The following KCNQ3 variants were observed in gnomAD, a reference collection of about 807,000 sequenced individuals.
KCNQ3 encodes the protein potassium voltage-gated channel subfamily KQT member 3.
A neutral mutation model predicts 92.5 loss-of-function variants in KCNQ3; 30 were observed. The ratio of observed to expected loss-of-function variants is 0.32; its 90% CI spans 0.24 to 0.44. The LOEUF is 0.44. Among genes scored for constraint, KCNQ3 ranks in the 20% least tolerant of loss-of-function variants. KCNQ3 has a pLI of 1.00. For missense variants in KCNQ3, 913 were observed against 1,140.3 expected, an observed-to-expected ratio of 0.80 and a Z score of 2.87; for synonymous variants, 450 against 468.8, an observed-to-expected ratio of 0.96 and a Z score of 0.52.
chr8:132,337,483 G>A (rs985262141), intron 1 of KCNQ3, among the ~76,000 whole-genome samples: 6 of 151,994 alleles, frequency 3.9e-5, no homozygotes, highest in Non-Finnish European at 8.8e-5. Flanking sequence ...CAGCCTGGGC[G>A]ACAGAGCAAG....
intron 9 of KCNQ3, among the ~76,000 whole-genome samples, chr8:132,156,712 G>T (rs1166780647): frequency 1.3e-5 from 2 of 152,184 alleles, no homozygotes; most frequent in Non-Finnish European, 2.9e-5. Flanking sequence ...GGGTTAAATT[G>T]TGTTGCCCCA....
At chr8:132,160,072 C>A (rs1359896149) in intron 9 of KCNQ3, among the ~76,000 whole-genome samples, 1 of 152,130 alleles carries the variant, frequency 6.6e-6, no homozygotes, top group Non-Finnish European at 1.5e-5. Flanking sequence ...GGGATAGAGA[C>A]AGGGTCAGGG....
intron 1 of KCNQ3, among the ~76,000 whole-genome samples, chr8:132,350,971 G>A (rs1471381929): frequency 4.6e-5 from 7 of 152,026 alleles, no homozygotes; most frequent in Admixed American, 6.6e-5. Flanking sequence ...TCCAGGTAGC[G>A]ACGCTTCACC....
chr8:132,418,384 G>A (rs1201870394), intron 1 of KCNQ3, among the ~76,000 whole-genome samples: 3 of 152,190 alleles, frequency 2.0e-5, no homozygotes, highest in Non-Finnish European at 1.5e-5. Context: ...GCAGGCGAGG[G>A]AGGGAGGAGC....
At chr8:132,407,088 G>T (rs1317776811) in intron 1 of KCNQ3, among the ~76,000 whole-genome samples, 1 of 152,174 alleles carries the variant, frequency 6.6e-6, no homozygotes, top group Non-Finnish European at 1.5e-5. Flanking sequence ...TTTACCAGAA[G>T]ACATTCCTGC....
chr8:132,167,891 C>A (rs1164232168), intron 8 of KCNQ3, among the ~76,000 whole-genome samples: 1 of 152,178 alleles, frequency 6.6e-6, no homozygotes, highest in Non-Finnish European at 1.5e-5. Flanking sequence ...TGTTTGAGTT[C>A]AAGGTCACTG....
intron 1 of KCNQ3, among the ~76,000 whole-genome samples, chr8:132,189,908 AG>A (rs1400702886): frequency 6.1e-4 from 71 of 116,492 alleles, no homozygotes; most frequent in South Asian, 2.7e-3. Context: ...AAAAAAAAAA[AG>A]AGAGAGAGAG....
At chr8:132,383,474 A>G (rs1819808115) in intron 1 of KCNQ3, among the ~76,000 whole-genome samples, 1 of 152,224 alleles carries the variant, frequency 6.6e-6, no homozygotes, top group Non-Finnish European at 1.5e-5. Context: ...AACAGGGGCC[A>G]TGAAGCAAAG....
At chr8:132,212,315 C>T (rs60877482) in intron 1 of KCNQ3, among the ~76,000 whole-genome samples, 2,489 of 152,204 alleles carry the variant, frequency 0.016, 64 homozygotes, top group African/African-American at 0.056. Flanking sequence ...CAAATCCTTC[C>T]CTTAAAGGAG....
intron 1 of KCNQ3, among the ~76,000 whole-genome samples, chr8:132,270,382 T>C (rs1452521870): frequency 6.6e-6 from 1 of 152,206 alleles, no homozygotes; most frequent in East Asian, 1.9e-4. Flanking sequence ...TGGGTACTTT[T>C]TGTTTTCCTA....
intron 1 of KCNQ3, among the ~76,000 whole-genome samples, chr8:132,462,269 G>A (rs1198989612): frequency 6.6e-6 from 1 of 151,932 alleles, no homozygotes; most frequent in East Asian, 1.9e-4. Context: ...CGCTATCTCG[G>A]CTCACTGCAA....
At chr8:132,353,611 C>T (rs542636889) in intron 1 of KCNQ3, among the ~76,000 whole-genome samples, 4 of 152,114 alleles carry the variant, frequency 2.6e-5, no homozygotes, top group East Asian at 3.9e-4. Context: ...GTCAGGAGTT[C>T]GAAACCAGCC....
intron 1 of KCNQ3, among the ~76,000 whole-genome samples, chr8:132,291,371 C>T (rs61410913): frequency 0.026 from 3,921 of 152,262 alleles, 184 homozygotes; most frequent in African/African-American, 0.089. Flanking sequence ...CACCAAGATA[C>T]AGCCTGCTGA....
chr8:132,289,210 A>G (rs1167209473), intron 1 of KCNQ3, among the ~76,000 whole-genome samples: 1 of 152,216 alleles, frequency 6.6e-6, no homozygotes, highest in South Asian at 2.1e-4. Context: ...GGAGGGATAG[A>G]AAGAAGCTTT....
rs1383504462 is a variant in KCNQ3, at chr8:132,180,132, C to T, written c.777+25G>A. 3 of 1,613,338 alleles carry T rather than the reference C, an allele frequency of 1.9e-6. No individual in the cohort carries two copies. The South Asian group carries it at 3.3e-5, about 18-fold the overall frequency. On this transcript the variant is annotated intron_variant, in intron 4 of 14. Coordinates refer to ENST00000388996, the MANE Select transcript of KCNQ3 (RefSeq NM_004519.4). ...TAGGTGGGTGGGAAGCCCATGTGGTCCTGCAGTTTCTCCACCACACTTACT... is the reference window on the plus strand; with the variant it reads ...TAGGTGGGTGGGAAGCCCATGTGGTTCTGCAGTTTCTCCACCACACTTACT...
At chr8:132,426,051 C>G (rs867359510) in intron 1 of KCNQ3, among the ~76,000 whole-genome samples, 7 of 152,372 alleles carry the variant, frequency 4.6e-5, no homozygotes, top group African/African-American at 1.4e-4. Flanking sequence ...ACCACTTGCT[C>G]ACATTTGATT....
intron 1 of KCNQ3, among the ~76,000 whole-genome samples, chr8:132,194,966 T>C (rs1173877555): frequency 1.3e-5 from 2 of 152,194 alleles, no homozygotes; most frequent in Non-Finnish European, 2.9e-5. Context: ...AAAGAGTGAA[T>C]CTTTATGGAC....
At chr8:132,457,079 T>C (rs949672085) in intron 1 of KCNQ3, among the ~76,000 whole-genome samples, 1 of 139,384 alleles carries the variant, frequency 7.2e-6, no homozygotes, top group African/African-American at 2.8e-5. Flanking sequence ...AACAAGAAGT[T>C]TACAGATCAC....
intron 1 of KCNQ3, among the ~76,000 whole-genome samples, chr8:132,236,518 C>T (rs1489278467): frequency 6.6e-6 from 1 of 152,168 alleles, no homozygotes; most frequent in Non-Finnish European, 1.5e-5. Context: ...TATATATGGA[C>T]ACTGTCAATG....
Sources: gnomAD v4.1 joint callset for allele counts (sites outside exome capture counted in the v4.1 genomes callset) on GRCh38, gnomAD v4.1.1 for gene constraint, MANE v1.5 for transcripts, NCBI Gene and HGNC (gene_info 2026-07-23, HGNC 2026-07-21) for gene names.